Variants in PTP4A3 observed in about 807,000 individuals in gnomAD.
The protein encoded by PTP4A3 is protein tyrosine phosphatase type IVA 3.
In PTP4A3, 9 loss-of-function variants were observed where a neutral mutation model predicts 15.2. That is an observed-to-expected ratio of 0.59 (90% CI 0.36 to 1.03). The LOEUF (loss-of-function observed/expected upper bound fraction) is 1.03, where lower values mean the gene tolerates loss of function less well. PTP4A3 is among the 50% of genes least tolerant of loss of function. The pLI, the probability that PTP4A3 is intolerant of heterozygous loss-of-function variation, is 0.02. For missense variants in PTP4A3, 234 were observed against 252.1 expected, an observed-to-expected ratio of 0.93 and a Z score of 0.49; for synonymous variants, 95 against 102.0, an observed-to-expected ratio of 0.93 and a Z score of 0.41.
At chr8:141,420,567 T>C (rs1833283596) in intron 1 of PTP4A3, among the ~76,000 whole-genome samples, 1 of 152,124 alleles carries the variant, frequency 6.6e-6, no homozygotes, top group Non-Finnish European at 1.5e-5. Context: ...CCTGTCATGG[T>C]GTGAACCCAC....
chr8:141,415,023 G>C (rs1197951522), intron 1 of PTP4A3, among the ~76,000 whole-genome samples: 1 of 151,986 alleles, frequency 6.6e-6, no homozygotes, highest in Admixed American at 6.5e-5. Flanking sequence ...GGGTGGCGGG[G>C]GGCCTGGGTG....
intron 1 of PTP4A3, among the ~76,000 whole-genome samples, chr8:141,412,777 A>G (rs1832904029): frequency 6.6e-6 from 1 of 152,142 alleles, no homozygotes; most frequent in Non-Finnish European, 1.5e-5. Flanking sequence ...GTGTATTCTC[A>G]TCTGGTGATG....
intron 1 of PTP4A3, among the ~76,000 whole-genome samples, chr8:141,401,987 C>T (rs926501333): frequency 1.3e-5 from 2 of 152,194 alleles, no homozygotes; most frequent in African/African-American, 4.8e-5. Context: ...CAGGGCCATT[C>T]CTCCAGCTCC....
chr8:141,425,196 C>CGGGGGGGG lies in PTP4A3; in HGVS notation c.198+62_198+63insGGGGGGGG. On this transcript the variant is annotated intron_variant, in intron 3 of 5. Transcript: ENST00000521578. This position sits in a 1 kb window ranked among gnomAD's most constrained non-coding sequence, Gnocchi z 4.2. ...CTGCTGCCACCGGGGGAGGGTGGGG[C>CGGGGGGGG]GGGGGGCTCCGGGCCTGCGCAGAGG... The CGGGGGGGG allele has an allele frequency of 1.7e-5, 6 of 361,480 alleles. No individual in the cohort carries two copies. Among genetic ancestry groups the CGGGGGGGG allele is most frequent in the Admixed American group, 3.3e-5 (1 of 30,486 alleles). 22.4% of individuals were successfully genotyped at this position (361,480 alleles called of 1,614,324 possible).
chr8:141,401,727 G>C (rs1169029301), intron 1 of PTP4A3, among the ~76,000 whole-genome samples: 1 of 152,234 alleles, frequency 6.6e-6, no homozygotes, highest in Non-Finnish European at 1.5e-5. Context: ...GGTCTGTGCT[G>C]TGGAGTCCCA....
chr8:141,426,810 C>T, intron 3 of PTP4A3, 129 bp from the exon 4 acceptor site: 1 of 1,442,570 alleles, frequency 6.9e-7, no homozygotes. Flanking sequence ...CCCTCTGGGT[C>T]TGCTGCCCCC....
chr8:141,393,303 A>G (rs961282410), intron 1 of PTP4A3, among the ~76,000 whole-genome samples: 3 of 152,270 alleles, frequency 2.0e-5, no homozygotes, highest in Admixed American at 6.5e-5. Context: ...GCTGCTGTAA[A>G]TGGGCCCCGA....
intron 1 of PTP4A3, among the ~76,000 whole-genome samples, chr8:141,394,839 G>A (rs1832398554): frequency 6.6e-6 from 1 of 152,262 alleles, no homozygotes; most frequent in Admixed American, 6.5e-5. Context: ...GGCTGCAGGA[G>A]GAGGTACTGC....
rs372945038 is a variant in PTP4A3 at position 141,406,239 on chromosome 8, C to T, written c.-854+14155C>T. On this transcript the variant is annotated intron_variant, in intron 1 of 5. Coordinates refer to ENST00000521578, the MANE Select transcript of PTP4A3 (RefSeq NM_032611.3). This position sits in a 1 kb window ranked among gnomAD's most constrained non-coding sequence, Gnocchi z 4.5. ...AGGTGTCACCATTTCACTTGTCGGC[C>T]ACCCACGGCTGCTTCCTGCCCCATC... Among the ~76,000 whole-genome samples the T allele has an allele frequency of 3.9e-5, 6 of 152,240 alleles. No homozygotes were observed. The highest frequency in any genetic ancestry group is 9.6e-5 in the African/African-American group (4 of 41,544).
At position 141,425,196 on chromosome 8, in the gene PTP4A3, C is replaced by CCCGGGGGGGGGGGGGGGGGG; in HGVS notation, c.198+56_198+57insCCGGGGGGGGGGGGGGGGGG. On this transcript the variant is annotated intron_variant, in intron 3 of 5. Coordinates refer to ENST00000521578, the MANE Select transcript of PTP4A3 (RefSeq NM_032611.3). The surrounding 1 kb of genome is among the most constrained non-coding windows in gnomAD (Gnocchi z 4.2). Reference sequence around the variant, plus strand: ...CTGCTGCCACCGGGGGAGGGTGGGGCGGGGGGCTCCGGGCCTGCGCAGAGG... The same window carrying CCCGGGGGGGGGGGGGGGGGG: ...CTGCTGCCACCGGGGGAGGGTGGGGCCCGGGGGGGGGGGGGGGGGGGGGGGGCTCCGGGCCTGCGCAGAGG... 8.3e-6 allele frequency: 3 copies of CCCGGGGGGGGGGGGGGGGGG among 361,472 alleles called. No individual in the cohort carries two copies. Among genetic ancestry groups the CCCGGGGGGGGGGGGGGGGGG allele is most frequent in the East Asian group, 6.7e-5 (1 of 14,868 alleles). 22.4% of individuals were successfully genotyped at this position (361,472 alleles called of 1,614,324 possible). A position where few individuals can be genotyped will look rare whatever the true frequency, so the allele number is the denominator to read the frequency against.
In PTP4A3 at chr8:141,427,172, G is replaced by A. The variant is rs184068254; in HGVS notation, c.329+103G>A. The stretch of plus-strand genomic sequence containing the variant: ...GTGGGTCTTGAACACACGTCCACGC[G>A]ACCTTCCCAGGAGGCCCATGCCCCT... On this transcript the variant is annotated intron_variant, in intron 4 of 5. Coordinates refer to ENST00000521578, the MANE Select transcript of PTP4A3 (RefSeq NM_032611.3). 4.0e-6 allele frequency: 6 copies of A among 1,498,896 alleles called. No individual in the cohort carries two copies. The South Asian group carries it at 6.4e-5, about 16-fold the overall frequency. The allele number at this position is 1,498,896 out of a possible 1,614,324, so 92.8% of individuals were successfully genotyped here. A position where few individuals can be genotyped will look rare whatever the true frequency, so the allele number is the denominator to read the frequency against.
chr8:141,405,791 G>A (rs1212190145), intron 1 of PTP4A3, among the ~76,000 whole-genome samples: 1 of 150,636 alleles, frequency 6.6e-6, no homozygotes, highest in African/African-American at 2.4e-5. Flanking sequence ...AGGAGGAACA[G>A]GAGGATGCTG....
intron 1 of PTP4A3, among the ~76,000 whole-genome samples, chr8:141,418,309 G>T (rs918672041): frequency 2.0e-5 from 3 of 152,212 alleles, no homozygotes; most frequent in Non-Finnish European, 4.4e-5. Flanking sequence ...GCGGGGGCTG[G>T]ATTCAAACTT....
intron 1 of PTP4A3, among the ~76,000 whole-genome samples, chr8:141,402,454 T>A (rs887290211): frequency 5.9e-5 from 9 of 152,152 alleles, no homozygotes; most frequent in Non-Finnish European, 8.8e-5. Flanking sequence ...CAGGCCTGAG[T>A]GTAGCTGGCT....
rs1360767332 is a variant in PTP4A3, at chr8:141,425,666, AG to A, written c.198+532del. Among the ~76,000 whole-genome samples the A allele has an allele frequency of 6.6e-6, 1 of 151,912 alleles. No homozygotes were observed. Among genetic ancestry groups the A allele is most frequent in the Non-Finnish European group, 1.5e-5 (1 of 67,926 alleles). On this transcript the variant is annotated intron_variant, in intron 3 of 5. Coordinates refer to ENST00000521578, the MANE Select transcript of PTP4A3 (RefSeq NM_032611.3). This position sits in a 1 kb window ranked among gnomAD's most constrained non-coding sequence, Gnocchi z 4.2. ...CAGCTGCAGGCCCAGAGCCAGCCCC[AG>A]GGGGGTCCACCCCCGGCCCGGTGGA...
At chr8:141,409,125 C>T (rs1228602591) in intron 1 of PTP4A3, among the ~76,000 whole-genome samples, 1 of 152,178 alleles carries the variant, frequency 6.6e-6, no homozygotes, top group Admixed American at 6.5e-5. Context: ...GGCCTGAGGG[C>T]CTCTCAGTCC....
At chr8:141,412,547 CA>C (rs1476101044) in intron 1 of PTP4A3, among the ~76,000 whole-genome samples, 3 of 152,196 alleles carry the variant, frequency 2.0e-5, no homozygotes, top group Non-Finnish European at 4.4e-5. Context: ...CTGGATGGTC[CA>C]GGGGTCCCGA....
In PTP4A3 at chr8:141,430,853, C is replaced by T. The variant is rs1040799268; in HGVS notation, c.405-74C>T. 4.2e-5 allele frequency: 61 copies of T among 1,460,220 alleles called. 2 individuals are homozygous for T. The highest frequency in any genetic ancestry group is 1.7e-4 in the Middle Eastern group (1 of 5,764). The allele number at this position is 1,460,220 out of a possible 1,614,324, so 90.5% of individuals were successfully genotyped here. The stretch of plus-strand genomic sequence containing the variant: ...CTCCAGCCCACTGCACTCTCAGATT[C>T]CAGCTCCCTGGGGCAGGTGAGATGG... On this transcript the variant is annotated intron_variant, in intron 5 of 5. Transcript: ENST00000521578.
intron 1 of PTP4A3, among the ~76,000 whole-genome samples, chr8:141,393,543 C>T (rs764996253): frequency 1.1e-4 from 17 of 152,210 alleles, no homozygotes; most frequent in Admixed American, 1.3e-4. Context: ...GGCTGGCTGG[C>T]TGAGCGGGGC....
Sources: allele counts gnomAD v4.1 joint callset (sites outside exome capture counted in the v4.1 genomes callset), GRCh38; gene constraint gnomAD v4.1.1; non-coding constraint Gnocchi (gnomAD v3.1); transcripts MANE v1.5; gene names NCBI Gene and HGNC (gene_info 2026-07-23, HGNC 2026-07-21).